SLC38A4: variants seen among roughly 807,000 people sequenced by gnomAD.
SLC38A4 encodes sodium-coupled neutral amino acid transporter 4.
SLC38A4 carries 20 observed loss-of-function variants against 63.1 expected under a neutral mutation model. The observed-to-expected ratio is 0.32, with a 90% CI of 0.22 to 0.46. SLC38A4 has a LOEUF of 0.46. SLC38A4 is among the 20% of genes least tolerant of loss of function. The pLI is 1.00. For synonymous variants in SLC38A4, 230 were observed against 225.5 expected (o/e 1.02, Z -0.18); for missense variants, 526 against 663.6 (o/e 0.79, Z 2.28).
At chr12:46,783,745 T>C (rs559248915) in intron 7 of SLC38A4, among the ~76,000 whole-genome samples, 151 of 151,928 alleles carry the variant, frequency 9.9e-4, no homozygotes, top group African/African-American at 3.5e-3. Flanking sequence ...ATCAGAGAAA[T>C]AGAATAGCAG....
intron 4 of SLC38A4, 88 bp from the exon 5 acceptor site, chr12:46,788,119 T>C: frequency 1.1e-6 from 1 of 900,816 alleles, no homozygotes; most frequent in Non-Finnish European, 1.8e-6. Context: ...TATCTGCAGA[T>C]TACAGTCCAA....
intron 1 of SLC38A4, among the ~76,000 whole-genome samples, chr12:46,815,553 G>C (rs960861980): frequency 7.9e-5 from 12 of 151,832 alleles, no homozygotes; most frequent in African/African-American, 2.7e-4. Context: ...TAGAGTAAGA[G>C]CTAAATAAAT....
In SLC38A4 at chr12:46,780,126, A is replaced by T. The variant is rs1419983762; in HGVS notation, c.494-96T>A. On this transcript the variant is annotated intron_variant, in intron 7 of 16. Coordinates refer to ENST00000266579, the MANE Select transcript of SLC38A4 (RefSeq NM_018018.5). The stretch of plus-strand genomic sequence containing the variant: ...TTGGGATATGTAAGATGAACATCTA[A>T]TCCCCCAAATGGAAAAAAAAGTCAT... 6 of 916,112 alleles carry T rather than the reference A, an allele frequency of 6.5e-6. No homozygotes were observed. In the East Asian group the frequency reaches 1.5e-4, roughly 23 times the overall value. 56.7% of individuals were successfully genotyped at this position (916,112 alleles called of 1,614,324 possible).
At chr12:46,783,019 A>AAT (rs1435377072) in intron 7 of SLC38A4, among the ~76,000 whole-genome samples, 10 of 29,100 alleles carry the variant, frequency 3.4e-4, no homozygotes, top group Non-Finnish European at 7.8e-4. Context: ...TGAGAGAGAA[A>AAT]ATGTGTGTGT....
intron 3 of SLC38A4, among the ~76,000 whole-genome samples, chr12:46,792,248 G>C (rs990803208): frequency 6.6e-6 from 1 of 152,010 alleles, no homozygotes; most frequent in Admixed American, 6.6e-5. Flanking sequence ...CAGAAAAGTA[G>C]GTGTATTTGA....
At chr12:46,782,219 AATTT>A (rs1938658676) in intron 7 of SLC38A4, among the ~76,000 whole-genome samples, 1 of 152,126 alleles carries the variant, frequency 6.6e-6, no homozygotes, top group African/African-American at 2.4e-5. Flanking sequence ...AACTCCAGTG[AATTT>A]ATTTATTAAA....
At chr12:46,773,418 T>A (rs1938460131) in intron 14 of SLC38A4, among the ~76,000 whole-genome samples, 1 of 152,026 alleles carries the variant, frequency 6.6e-6, no homozygotes. Context: ...GAGGACAGGA[T>A]AATGTGCAAA....
intron 3 of SLC38A4, among the ~76,000 whole-genome samples, chr12:46,788,908 A>T (rs543261326): frequency 2.0e-5 from 3 of 152,300 alleles, no homozygotes; most frequent in Admixed American, 2.0e-4. Context: ...TATGCAAGAG[A>T]CTACAACTAA....
intron 2 of SLC38A4, among the ~76,000 whole-genome samples, 196 bp downstream of exon 2, chr12:46,803,407 T>C (rs551326335): frequency 6.6e-5 from 10 of 152,200 alleles, no homozygotes; most frequent in African/African-American, 1.9e-4. Flanking sequence ...AAAAGAAAAC[T>C]GCAATCAGGA....
chr12:46,806,478 G>T (rs1939234897), intron 1 of SLC38A4, among the ~76,000 whole-genome samples: 1 of 151,914 alleles, frequency 6.6e-6, no homozygotes, highest in Non-Finnish European at 1.5e-5. Flanking sequence ...TAGGAAGGTT[G>T]ACTGATAGTT....
chr12:46,767,603 C>T (rs1938327577), intron 16 of SLC38A4, among the ~76,000 whole-genome samples: 1 of 151,972 alleles, frequency 6.6e-6, no homozygotes. Context: ...CTGAAGTCCC[C>T]AGAACATCCC....
At chr12:46,768,177 G>GA (rs1387315343) in intron 16 of SLC38A4, 133 bp downstream of exon 16, 3 of 591,970 alleles carry the variant, frequency 5.1e-6, no homozygotes, top group Non-Finnish European at 8.8e-6. Context: ...TCTGCTACCA[G>GA]AAAGTTCTAG....
chr12:46,785,161 C>G lies in SLC38A4; in HGVS notation c.343G>C (p.Val115Leu). 1 of 1,612,560 alleles carries G rather than the reference C, an allele frequency of 6.2e-7. No individual in the cohort carries two copies. Among genetic ancestry groups the G allele is most frequent in the Non-Finnish European group, 8.5e-7 (1 of 1,179,032 alleles). Residue 115 changes from valine to leucine, a missense_variant, in exon 6 of 17, where the codon GTG becomes CTG. Physicochemically the swap from Val to Leu is conservative, Grantham distance 32 (BLOSUM62 1). Transcript: ENST00000266579. Reference sequence around the variant, plus strand: ...ACTGAATACAGTGATAATATTGCCACAGCAAGCAGCATGATTCTGCAAAGG... The same window carrying G: ...ACTGAATACAGTGATAATATTGCCAGAGCAAGCAGCATGATTCTGCAAAGG... The part of the protein sequence containing the change: ...IILFIIMLLA[V>L]AILSLYSVHL...
rs779655438 is a variant in SLC38A4 at position 46,778,300 on chromosome 12, A to T, written c.1062T>A (p.Ser354Arg). Residue 354 changes from serine to arginine, a missense_variant, in exon 12 of 17, where the codon AGT becomes AGA. Transcript: ENST00000266579. The part of the protein sequence containing the change: ...VCHPEVLPIY[S>R]ELKDRSRRKM... ...GATGGCTGCCTTACTCTTTAAGTTC[A>T]CTGTAGATGGGAAGGACCTCAGGGT... 2.5e-6 allele frequency: 4 copies of T among 1,612,524 alleles called. No individual in the cohort carries two copies. In the East Asian group the frequency reaches 6.7e-5, roughly 27 times the overall value.
Position 46,766,577 on chromosome 12 carries a change from T to C in SLC38A4, c.*124A>G, listed in dbSNP as rs1267152086. On this transcript the variant is annotated 3_prime_UTR_variant, in exon 17 of 17. Coordinates refer to ENST00000266579, the MANE Select transcript of SLC38A4 (RefSeq NM_018018.5). ...TGCAGGTGCCTGGTGATATTACTGG[T>C]AAACGTCTTTGGAATCTTCCTGTTA... 1 of 769,182 alleles carries C rather than the reference T, an allele frequency of 1.3e-6. No homozygotes were observed. Among genetic ancestry groups the C allele is most frequent in the Non-Finnish European group, 2.3e-6 (1 of 442,470 alleles). The allele number at this position is 769,182 out of a possible 1,614,324, so 47.6% of individuals were successfully genotyped here.
intron 14 of SLC38A4, among the ~76,000 whole-genome samples, chr12:46,774,354 T>G (rs1592175749): frequency 6.6e-6 from 1 of 151,768 alleles, no homozygotes; most frequent in Admixed American, 6.6e-5. Context: ...GGCAGGAGGG[T>G]GAAGACCTGT....
chr12:46,828,154 C>T (rs12311057), upstream of SLC38A4, among the ~76,000 whole-genome samples: 47,847 of 151,966 alleles, frequency 0.31, 8,608 homozygotes, highest in African/African-American at 0.47. Context: ...GTCCTTTCCT[C>T]ACATCCTCCA....
At chr12:46,802,680 C>T (rs1249375815) in intron 2 of SLC38A4, among the ~76,000 whole-genome samples, 3 of 151,932 alleles carry the variant, frequency 2.0e-5, no homozygotes, top group African/African-American at 7.2e-5. Flanking sequence ...TAAAAACACA[C>T]CCAAATTTCT....
At chr12:46,819,709 G>A (rs1237395557) in intron 1 of SLC38A4, among the ~76,000 whole-genome samples, 1 of 151,810 alleles carries the variant, frequency 6.6e-6, no homozygotes, top group African/African-American at 2.4e-5. Context: ...GAAACCAAGT[G>A]AAGCTGGAGA....
Sources: allele counts gnomAD v4.1 joint callset (sites outside exome capture counted in the v4.1 genomes callset), GRCh38; gene constraint gnomAD v4.1.1; transcripts MANE v1.5; gene names NCBI Gene and HGNC (gene_info 2026-07-23, HGNC 2026-07-21).